Variants in FUBP3 observed in about 807,000 individuals in gnomAD.
FUBP3 encodes the protein far upstream element-binding protein 3.
In FUBP3, 28 loss-of-function variants were observed where a neutral mutation model predicts 85.6. That is an observed-to-expected ratio of 0.33 (90% CI 0.24 to 0.45). FUBP3 has a LOEUF of 0.45. Ranked by LOEUF, FUBP3 falls within the 20% of genes least tolerant of loss-of-function variation. The pLI, the probability that FUBP3 is intolerant of heterozygous loss-of-function variation, is 1.00. For synonymous variants in FUBP3, 271 were observed against 271.4 expected, an observed-to-expected ratio of 1.00 and a Z score of 0.01; for missense variants, 583 against 755.1, an observed-to-expected ratio of 0.77 and a Z score of 2.67.
At chr9:130,601,347 C>T (rs1301054851) in intron 2 of FUBP3, among the ~76,000 whole-genome samples, 3 of 152,188 alleles carry the variant, frequency 2.0e-5, no homozygotes, top group African/African-American at 4.8e-5. Context: ...TCCCATTTGT[C>T]CCTCTGTATC....
intron 13 of FUBP3, chr9:130,631,052 C>A: frequency 3.4e-6 from 3 of 885,958 alleles, no homozygotes; most frequent in Non-Finnish European, 4.4e-6. Flanking sequence ...CCCCTGCGGG[C>A]TTAGATGAGC....
intron 1 of FUBP3, 69 bp from the exon 2 acceptor site, chr9:130,595,414 C>T: frequency 4.8e-6 from 4 of 825,200 alleles, no homozygotes; most frequent in Middle Eastern, 2.2e-4. Context: ...TTAAAGAGGA[C>T]ACTTGTCTTT....
At chr9:130,618,681 C>T (rs541946133) in intron 8 of FUBP3, among the ~76,000 whole-genome samples, 2 of 152,302 alleles carry the variant, frequency 1.3e-5, no homozygotes, top group East Asian at 1.9e-4. Flanking sequence ...AGAGTAGCTC[C>T]GGGGTGATGC....
chr9:130,636,024 G>C lies in FUBP3; in HGVS notation c.1608G>C (p.Gln536His), dbSNP rs1830402937. The change falls in exon 18 of 19, where the codon CAG (glutamine) becomes CAC (histidine). Residue 536 changes from glutamine (Q) to histidine (H), a missense_variant. Physicochemically the swap from Gln to His is conservative, Grantham distance 24. Around this residue, in one of 3 missense-constraint regions of FUBP3, gnomAD observed 404 missense variants for 516.8 expected, o/e 0.78. Coordinates refer to ENST00000319725, the MANE Select transcript of FUBP3 (RefSeq NM_003934.2). ...GTCACGCCGCCAGCGCTGCTCCTCA[G>C]GCCAGCTCCCCACCGGACTACACAA... ...KQSHAASAAPQASSPPDYTMA... is the reference protein window; with the variant it reads ...KQSHAASAAPHASSPPDYTMA... The C allele has an allele frequency of 6.3e-7, 1 of 1,597,832 alleles. No individual in the cohort carries two copies. The highest frequency in any genetic ancestry group is 8.5e-7 in the Non-Finnish European group (1 of 1,173,354).
In FUBP3 at chr9:130,612,351, T is replaced by C. The variant is rs1179014118; in HGVS notation, c.225-105T>C. The C allele has an allele frequency of 9.9e-6, 7 of 704,874 alleles. No individual in the cohort carries two copies. In the Admixed American group the frequency reaches 1.9e-4, roughly 19 times the overall value. The allele number at this position is 704,874 out of a possible 1,614,324, so 43.7% of individuals were successfully genotyped here. A position where few individuals can be genotyped will look rare whatever the true frequency, so the allele number is the denominator to read the frequency against. ...TTGGCCAAATTGGCCTGATGTATTT[T>C]AAGCTTTTATCATGCAACATTGCCA... On this transcript the variant is annotated intron_variant, in intron 3 of 18. Transcript: ENST00000319725. This position sits in a 1 kb window ranked among gnomAD's most constrained non-coding sequence, Gnocchi z 4.1.
At chr9:130,615,236 G>A (rs1314994389) in intron 6 of FUBP3, among the ~76,000 whole-genome samples, 1 of 152,136 alleles carries the variant, frequency 6.6e-6, no homozygotes, top group Non-Finnish European at 1.5e-5. Context: ...GGTTAATCTA[G>A]TACACAGGCA....
chr9:130,610,478 C>T (rs529978606), intron 3 of FUBP3, among the ~76,000 whole-genome samples: 3 of 152,282 alleles, frequency 2.0e-5, no homozygotes, highest in African/African-American at 7.2e-5. Context: ...TAGGGACTTG[C>T]CAGAGAGCCT....
Position 130,635,786 on chromosome 9 carries a change from G to A in FUBP3, c.1583-213G>A, listed in dbSNP as rs1416556979. 25 of 564,862 alleles carry A rather than the reference G, an allele frequency of 4.4e-5. No individual in the cohort carries two copies. The highest frequency in any genetic ancestry group is 9.1e-5 in the South Asian group (4 of 43,978). 35.0% of individuals were successfully genotyped at this position (564,862 alleles called of 1,614,324 possible). The stretch of plus-strand genomic sequence containing the variant: ...AGAGAGAAGGCAGGCGTGAGGATTG[G>A]TCTTCACAGGCATAGCAGGGGCCGG... On this transcript the variant is annotated intron_variant, in intron 17 of 18. Coordinates refer to ENST00000319725, the MANE Select transcript of FUBP3 (RefSeq NM_003934.2). This position sits in a 1 kb window ranked among gnomAD's most constrained non-coding sequence, Gnocchi z 4.3.
intron 1 of FUBP3, among the ~76,000 whole-genome samples, chr9:130,583,929 G>A (rs1366848346): frequency 6.6e-6 from 1 of 152,010 alleles, no homozygotes; most frequent in African/African-American, 2.4e-5. Context: ...TAGAGACAGG[G>A]TCTCACTATG....
intron 10 of FUBP3, among the ~76,000 whole-genome samples, chr9:130,623,333 T>C (rs1829833853): frequency 6.6e-6 from 1 of 152,226 alleles, no homozygotes; most frequent in African/African-American, 2.4e-5. Context: ...TCCCTTGGCT[T>C]TTTTAAAGTC....
intron 14 of FUBP3, 58 bp from the exon 15 acceptor site, chr9:130,631,884 G>C: frequency 7.8e-7 from 1 of 1,286,994 alleles, no homozygotes; most frequent in Non-Finnish European, 1.1e-6. Flanking sequence ...GCTGCGGGGA[G>C]GGGACGAGCC....
intron 3 of FUBP3, among the ~76,000 whole-genome samples, chr9:130,611,922 T>G (rs949381246): frequency 2.0e-5 from 3 of 152,124 alleles, no homozygotes; most frequent in Non-Finnish European, 2.9e-5. Flanking sequence ...CGGATACTGG[T>G]TCCATTTGGG....
intron 13 of FUBP3, chr9:130,631,185 AG>A: frequency 8.6e-7 from 1 of 1,166,748 alleles, no homozygotes; most frequent in Non-Finnish European, 1.1e-6. Context: ...AGGCAGATAA[AG>A]AAAGGGAGTG....
In FUBP3 at chr9:130,579,933, G is replaced by T. The variant is rs192688296; in HGVS notation, c.84+169G>T. Among the ~76,000 whole-genome samples, 1,278 of 152,328 alleles carry T rather than the reference G, an allele frequency of 8.4e-3. 18 individuals carry two copies. Among genetic ancestry groups the T allele is most frequent in the African/African-American group, 0.029 (1,208 of 41,576 alleles). ...CCGGGAGGAGCCGGGGGGATAAGGC[G>T]CCACTGCGAGGCCCAGGCCCGGCCT... On this transcript the variant is annotated intron_variant, in intron 1 of 18. Transcript: ENST00000319725.
intron 11 of FUBP3, among the ~76,000 whole-genome samples, chr9:130,624,609 TTG>T (rs138986229): frequency 0.26 from 36,862 of 143,608 alleles, 4,578 homozygotes; most frequent in Middle Eastern, 0.35. Flanking sequence ...TTACAAGATT[TTG>T]TGTGTGTGTG....
rs115159383 is a variant in FUBP3, at chr9:130,613,548, A to G, written c.346+521A>G. Among the ~76,000 whole-genome samples, 915 of 152,306 alleles carry G rather than the reference A, an allele frequency of 6.0e-3. 14 individuals carry two copies. The highest frequency in any genetic ancestry group is 0.021 in the African/African-American group (868 of 41,562). On this transcript the variant is annotated intron_variant, in intron 5 of 18. Transcript: ENST00000319725. Reference sequence around the variant, plus strand: ...CAACATGGAGAGAGATGGAGTGAAGAACAATTTTTTATTTTATTTATGGTT... The same window carrying G: ...CAACATGGAGAGAGATGGAGTGAAGGACAATTTTTTATTTTATTTATGGTT...
intron 8 of FUBP3, 98 bp downstream of exon 8, chr9:130,617,993 G>T (rs1832093324): frequency 1.6e-6 from 1 of 613,322 alleles, no homozygotes. Flanking sequence ...TGTGAAACTG[G>T]CAGCTCCGTT....
chr9:130,602,352 G>C (rs868795178), intron 2 of FUBP3, among the ~76,000 whole-genome samples: 1 of 152,158 alleles, frequency 6.6e-6, no homozygotes, highest in Non-Finnish European at 1.5e-5. Context: ...GAGTGAAATA[G>C]ACTATTTCTG....
intron 9 of FUBP3, among the ~76,000 whole-genome samples, chr9:130,621,853 G>A (rs777467301): frequency 1.3e-5 from 2 of 151,378 alleles, no homozygotes; most frequent in Non-Finnish European, 2.9e-5. Flanking sequence ...TGCAGTGAGC[G>A]TAGATGGTGC....
Sources: allele counts gnomAD v4.1 joint callset (sites outside exome capture counted in the v4.1 genomes callset), GRCh38; gene constraint gnomAD v4.1.1; regional missense constraint gnomAD v4.1.1; non-coding constraint Gnocchi (gnomAD v3.1); transcripts MANE v1.5; gene names NCBI Gene and HGNC (gene_info 2026-07-23, HGNC 2026-07-21).